The following LRRC37A2 variants were observed in gnomAD, a reference collection of about 807,000 sequenced individuals.
LRRC37A2 encodes the protein leucine rich repeat containing 37 member A2, also known as leucine-rich repeat-containing protein 37A2.
In LRRC37A2, 9 loss-of-function variants were observed where a neutral mutation model predicts 68.8. That is an observed-to-expected ratio of 0.13 (90% CI 0.08 to 0.23). LRRC37A2 has a LOEUF of 0.23. Among genes scored for constraint, LRRC37A2 ranks in the 10% least tolerant of loss-of-function variants. The probability of loss-of-function intolerance (pLI) is 1.00; values close to 1 mark genes in which losing one functional copy is unlikely to be tolerated. For missense variants in LRRC37A2, 168 were observed against 950.4 expected, an observed-to-expected ratio of 0.18 and a Z score of 10.82; for synonymous variants, 63 against 367.6, an observed-to-expected ratio of 0.17 and a Z score of 9.48.
the LRRC37A2 span, among the ~76,000 whole-genome samples, chr17:46,829,107 T>C: frequency 2.6e-5 from 4 of 152,260 alleles, no homozygotes; most frequent in Non-Finnish European, 5.9e-5. Context: ...TTTTTCAATA[T>C]ACTGGAAGCT....
At chr17:46,789,204 G>C in the LRRC37A2 span, among the ~76,000 whole-genome samples, 20,741 of 152,072 alleles carry the variant, frequency 0.14, 1,597 homozygotes, top group African/African-American at 0.22. Context: ...GGGGCCCAGA[G>C]GCCACCCTCC....
At chr17:47,041,693 C>T in the LRRC37A2 span, 1 of 113,432 alleles carries the variant, frequency 8.8e-6, no homozygotes, top group East Asian at 2.9e-4. Flanking sequence ...CCCCTGACCT[C>T]GTGATCCACC....
At chr17:46,869,391 G>A in the LRRC37A2 span, among the ~76,000 whole-genome samples, 1 of 152,214 alleles carries the variant, frequency 6.6e-6, no homozygotes, top group East Asian at 1.9e-4. Context: ...TCCCTCCAGG[G>A]TCTCTTCCCC....
chr17:46,438,222 T>C, the LRRC37A2 span, among the ~76,000 whole-genome samples: 140 of 44,386 alleles, frequency 3.2e-3, no homozygotes, highest in Non-Finnish European at 3.5e-3. Flanking sequence ...ATTTGTCTTA[T>C]AAGTCGTAAT....
chr17:46,492,639 C>T, the LRRC37A2 span, among the ~76,000 whole-genome samples: 12 of 149,664 alleles, frequency 8.0e-5, no homozygotes, highest in African/African-American at 2.3e-4. Flanking sequence ...TGAAGAGTTC[C>T]GGTTGCTCTG....
At chr17:46,597,768 T>TTTG in the LRRC37A2 span, among the ~76,000 whole-genome samples, 15,752 of 130,940 alleles carry the variant, frequency 0.12, 2,849 homozygotes, top group East Asian at 0.58. Flanking sequence ...ATCAAATGTT[T>TTTG]TTGTTGTTGT....
At chr17:46,964,203 CAT>C in the LRRC37A2 span, 3 of 152,196 alleles carry the variant, frequency 2.0e-5, no homozygotes, top group African/African-American at 4.8e-5. Context: ...CAGTTTCACA[CAT>C]GAGAAAATTG....
intron 8 of LRRC37A2, among the ~76,000 whole-genome samples, chr17:46,545,060 C>T (rs1373298849): frequency 7.3e-6 from 1 of 137,412 alleles, no homozygotes; most frequent in Non-Finnish European, 1.6e-5. Flanking sequence ...GTGATGTATC[C>T]TTCCTGCCTC....
the LRRC37A2 span, among the ~76,000 whole-genome samples, chr17:46,634,526 T>C: frequency 8.4e-6 from 1 of 118,980 alleles, no homozygotes; most frequent in Non-Finnish European, 1.9e-5. Flanking sequence ...CTACTAAAAA[T>C]ACAAAAATTC....
chr17:46,496,100 T>C, the LRRC37A2 span, among the ~76,000 whole-genome samples: 1 of 100,162 alleles, frequency 1.0e-5, no homozygotes, highest in Non-Finnish European at 2.2e-5. Context: ...GTCTGCTTGT[T>C]CTAGTGATTA....
chr17:46,884,660 T>C, the LRRC37A2 span, among the ~76,000 whole-genome samples: 1 of 152,182 alleles, frequency 6.6e-6, no homozygotes, highest in South Asian at 2.1e-4. Context: ...TGCATTGTTG[T>C]ATTTGAATCT....
the LRRC37A2 span, among the ~76,000 whole-genome samples, chr17:47,022,168 C>T: frequency 0.13 from 2,549 of 19,310 alleles, 236 homozygotes; most frequent in East Asian, 0.62. Flanking sequence ...TTTTTGTTCT[C>T]TTTTTTTTTT....
the LRRC37A2 span, among the ~76,000 whole-genome samples, chr17:46,777,722 C>A: frequency 1.3e-5 from 2 of 152,196 alleles, no homozygotes; most frequent in African/African-American, 2.4e-5. Flanking sequence ...CATTGTTATC[C>A]CCATTTTGCA....
the LRRC37A2 span, among the ~76,000 whole-genome samples, chr17:46,979,451 C>T: frequency 1.3e-5 from 2 of 152,222 alleles, no homozygotes; most frequent in Non-Finnish European, 2.9e-5. Flanking sequence ...AAACTCCACC[C>T]CCTCCTGGCA....
intron 8 of LRRC37A2, among the ~76,000 whole-genome samples, chr17:46,541,680 G>C (rs1203878250): frequency 6.6e-6 from 1 of 150,494 alleles, no homozygotes; most frequent in East Asian, 1.9e-4. Flanking sequence ...GGAATATTTG[G>C]AAAAAATAAA....
In LRRC37A2 at chr17:46,555,197, GGA is replaced by G; in HGVS notation, c.4909_4910del (p.Gln1638GlyfsTer13). The G allele has an allele frequency of 1.4e-6, 2 of 1,386,412 alleles. No individual in the cohort carries two copies. Among genetic ancestry groups the G allele is most frequent in the Non-Finnish European group, 1.9e-6 (2 of 1,046,342 alleles). 85.9% of individuals were successfully genotyped at this position (1,386,412 alleles called of 1,614,324 possible). A position where few individuals can be genotyped will look rare whatever the true frequency, so the allele number is the denominator to read the frequency against. On this transcript the variant is annotated frameshift_variant, in exon 13 of 15. Coordinates refer to ENST00000576629, the Ensembl canonical transcript of LRRC37A2. LOFTEE classifies it high-confidence loss of function. ...CATGGAGGGGATGCTCTTCGCGAAG[GGA>G]GAGTCAGGTACATTGGAGGATTCAT...
At chr17:46,534,745 G>T (rs1382819850) in intron 6 of LRRC37A2, among the ~76,000 whole-genome samples, 1 of 149,932 alleles carries the variant, frequency 6.7e-6, no homozygotes, top group East Asian at 2.0e-4. Flanking sequence ...CCGGGCAGAG[G>T]GGCTCCTCAC....
chr17:46,931,297 A>G, the LRRC37A2 span: 5 of 761,040 alleles, frequency 6.6e-6, no homozygotes, highest in Non-Finnish European at 1.2e-5. Context: ...TATTCTGAAA[A>G]CCAACGTACA....
chr17:46,798,336 C>T, the LRRC37A2 span, among the ~76,000 whole-genome samples: 4 of 152,198 alleles, frequency 2.6e-5, no homozygotes, highest in African/African-American at 7.2e-5. Context: ...ATGGACACGA[C>T]GGCCTAGTCA....
Sources: gnomAD v4.1 joint callset for allele counts (sites outside exome capture counted in the v4.1 genomes callset) on GRCh38, gnomAD v4.1.1 for gene constraint, MANE v1.5 for transcripts, NCBI Gene and HGNC (gene_info 2026-07-23, HGNC 2026-07-21) for gene names.